STK3: variants seen among roughly 807,000 people sequenced by gnomAD.
STK3 encodes the protein serine/threonine-protein kinase 3.
In STK3, 41 loss-of-function variants were observed where a neutral mutation model predicts 58.0. The ratio of observed to expected loss-of-function variants is 0.71; its 90% CI spans 0.55 to 0.92. STK3 has a LOEUF of 0.92. Among genes scored for constraint, STK3 ranks in the 40% least tolerant of loss-of-function variants. The probability of loss-of-function intolerance (pLI) is 0.00; values close to 1 mark genes in which losing one functional copy is unlikely to be tolerated. For missense variants in STK3, 479 were observed against 602.7 expected (o/e 0.79, Z 2.15); for synonymous variants, 170 against 191.0 (o/e 0.89, Z 0.91).
chr8:98,594,408 T>C (rs1402001833), intron 7 of STK3, among the ~76,000 whole-genome samples: 1 of 152,062 alleles, frequency 6.6e-6, no homozygotes, highest in East Asian at 1.9e-4. Flanking sequence ...GATACCAGCC[T>C]GATCAACATG....
chr8:98,499,406 G>A (rs1356578559), intron 10 of STK3, among the ~76,000 whole-genome samples: 1 of 152,184 alleles, frequency 6.6e-6, no homozygotes, highest in African/African-American at 2.4e-5. Flanking sequence ...GCCTGGAAGT[G>A]GGGTGGTACA....
At chr8:98,747,891 T>C (rs375293576) in intron 4 of STK3, among the ~76,000 whole-genome samples, 16 of 152,322 alleles carry the variant, frequency 1.1e-4, no homozygotes, top group African/African-American at 3.6e-4. Flanking sequence ...CAGTGGACTG[T>C]GTCTTATAAC....
chr8:98,617,658 A>G (rs1169166394), intron 6 of STK3, among the ~76,000 whole-genome samples: 14 of 151,936 alleles, frequency 9.2e-5, no homozygotes, highest in Non-Finnish European at 1.9e-4. Context: ...AGAAATACAA[A>G]CTACCATCAG....
At chr8:98,523,397 CAG>C (rs1043746094) in intron 10 of STK3, among the ~76,000 whole-genome samples, 5 of 135,356 alleles carry the variant, frequency 3.7e-5, no homozygotes, top group South Asian at 4.7e-4. Flanking sequence ...TTTTTTGAGA[CAG>C]AGTCTCGCTC....
At chr8:98,506,803 G>C (rs1287733845) in intron 10 of STK3, among the ~76,000 whole-genome samples, 1 of 152,182 alleles carries the variant, frequency 6.6e-6, no homozygotes, top group Non-Finnish European at 1.5e-5. Context: ...TTCTCTGCTA[G>C]AGTATTTGGA....
chr8:98,592,853 T>C (rs1485057835), intron 7 of STK3, among the ~76,000 whole-genome samples: 4 of 152,046 alleles, frequency 2.6e-5, no homozygotes, highest in Admixed American at 6.6e-5. Flanking sequence ...AATCCCTGTC[T>C]CCCGGGTTCA....
chr8:98,626,347 G>A (rs1016510435), intron 6 of STK3, among the ~76,000 whole-genome samples: 17 of 152,202 alleles, frequency 1.1e-4, no homozygotes, highest in African/African-American at 4.1e-4. Context: ...TCAGAGCAGG[G>A]ATCAGAAAAC....
intron 1 of STK3, among the ~76,000 whole-genome samples, chr8:98,823,664 A>T (rs1458613155): frequency 6.6e-6 from 1 of 152,228 alleles, no homozygotes; most frequent in Non-Finnish European, 1.5e-5. Flanking sequence ...ATAAATATTT[A>T]TTAAATTAGT....
intron 3 of STK3, among the ~76,000 whole-genome samples, chr8:98,863,240 T>C (rs188506227): frequency 1.9e-4 from 29 of 152,352 alleles, no homozygotes; most frequent in African/African-American, 7.0e-4. Context: ...ACTGGTGTTA[T>C]CATTGATAAG....
downstream of STK3, among the ~76,000 whole-genome samples, chr8:98,368,634 C>G: frequency 6.6e-6 from 1 of 152,142 alleles, no homozygotes; most frequent in Non-Finnish European, 1.5e-5. Flanking sequence ...ACCTATGTCT[C>G]CTGCATTCAC....
At chr8:98,672,795 T>A (rs549834239) in intron 6 of STK3, among the ~76,000 whole-genome samples, 3 of 152,188 alleles carry the variant, frequency 2.0e-5, no homozygotes, top group Non-Finnish European at 2.9e-5. Flanking sequence ...ATGACCAGAA[T>A]TCTGGAAAAC....
intron 4 of STK3, 24 bp from the exon 5 acceptor site, chr8:98,707,335 C>T: frequency 6.8e-7 from 1 of 1,475,444 alleles, no homozygotes; most frequent in Admixed American, 2.3e-5. Context: ...TTTTTAAAAC[C>T]ATAATTAAAA....
chr8:98,377,305 A>G (rs1817686437), intron 2 of STK3, among the ~76,000 whole-genome samples: 1 of 152,106 alleles, frequency 6.6e-6, no homozygotes, highest in South Asian at 2.1e-4. Flanking sequence ...CCTTGATTTT[A>G]TATTTGAATT....
intron 1 of STK3, among the ~76,000 whole-genome samples, chr8:98,918,535 C>G (rs1342768757): frequency 6.6e-6 from 1 of 152,066 alleles, no homozygotes; most frequent in Non-Finnish European, 1.5e-5. Flanking sequence ...TTTGGGAGGC[C>G]TAGGCAGGAG....
chr8:98,568,755 G>C (rs373089547), intron 8 of STK3, among the ~76,000 whole-genome samples: 1 of 152,072 alleles, frequency 6.6e-6, no homozygotes, highest in South Asian at 2.1e-4. Context: ...TAAACTTGAG[G>C]CAATCTCAGA....
chr8:98,869,555 G>C (rs573497144), intron 3 of STK3, among the ~76,000 whole-genome samples: 1 of 152,164 alleles, frequency 6.6e-6, no homozygotes, highest in Non-Finnish European at 1.5e-5. Flanking sequence ...AACACAGAAA[G>C]GAAGGCCATG....
intron 3 of STK3, among the ~76,000 whole-genome samples, chr8:98,865,188 C>G (rs944385183): frequency 6.6e-6 from 1 of 152,164 alleles, no homozygotes; most frequent in East Asian, 1.9e-4. Flanking sequence ...ACCAGGAGTT[C>G]AGGACCAGAC....
chr8:98,784,211 A>G (rs1832307469), intron 1 of STK3, among the ~76,000 whole-genome samples: 1 of 152,230 alleles, frequency 6.6e-6, no homozygotes, highest in Non-Finnish European at 1.5e-5. Context: ...ATGTGGGTGC[A>G]TGCAAGTCAA....
chr8:98,524,307 T>C (rs1246564812), intron 10 of STK3, among the ~76,000 whole-genome samples: 1 of 152,200 alleles, frequency 6.6e-6, no homozygotes, highest in African/African-American at 2.4e-5. Flanking sequence ...TTTGTTTTTC[T>C]TTTTCAAGAT....
Sources: allele counts gnomAD v4.1 joint callset (sites outside exome capture counted in the v4.1 genomes callset), GRCh38; gene constraint gnomAD v4.1.1; transcripts MANE v1.5; gene names NCBI Gene and HGNC (gene_info 2026-07-23, HGNC 2026-07-21).